Variants in CHRNA5 observed in about 807,000 individuals in gnomAD.
The protein encoded by CHRNA5 is cholinergic receptor nicotinic alpha 5 subunit.
CHRNA5 carries 28 observed loss-of-function variants against 41.2 expected under a neutral mutation model. The ratio of observed to expected loss-of-function variants is 0.68; its 90% CI spans 0.50 to 0.93. CHRNA5 has a LOEUF of 0.93. Among genes scored for constraint, CHRNA5 ranks in the 40% least tolerant of loss-of-function variants. CHRNA5 has a pLI of 0.00. For synonymous variants in CHRNA5, 188 were observed against 205.8 expected (o/e 0.91, Z 0.74); for missense variants, 481 against 581.9 (o/e 0.83, Z 1.78).
exon 6 of CHRNA5, chr15:78,593,566 T>C (rs1213595045): frequency 1.1e-5 from 2 of 181,334 alleles, no homozygotes; most frequent in African/African-American, 4.7e-5. Flanking sequence ...ATCCTTTGAC[T>C]GTGCTGGAGA....
intron 3 of CHRNA5, among the ~76,000 whole-genome samples, chr15:78,587,306 A>G (rs1457801525): frequency 6.6e-6 from 1 of 152,176 alleles, no homozygotes; most frequent in Non-Finnish European, 1.5e-5. Context: ...GGAAAAGAAG[A>G]TAGGGAGTAT....
chr15:78,578,070 G>T (rs1435536068), intron 1 of CHRNA5, among the ~76,000 whole-genome samples: 1 of 152,066 alleles, frequency 6.6e-6, no homozygotes, highest in Non-Finnish European at 1.5e-5. Context: ...AAAATTAATG[G>T]CTTTTAAACA....
At chr15:78,585,791 C>CTTTTTTTTTT (rs752254237) in intron 2 of CHRNA5, among the ~76,000 whole-genome samples, 5 of 130,612 alleles carry the variant, frequency 3.8e-5, no homozygotes, top group African/African-American at 5.8e-5. Flanking sequence ...TCTTTTCTTT[C>CTTTTTTTTTT]TTTTTTTTTT....
chr15:78,571,173 T>C (rs2052801522), intron 1 of CHRNA5, among the ~76,000 whole-genome samples: 2 of 152,190 alleles, frequency 1.3e-5, no homozygotes, highest in African/African-American at 4.8e-5. Flanking sequence ...GTAGCAAGGT[T>C]GTAGAAAAGT....
intron 2 of CHRNA5, among the ~76,000 whole-genome samples, chr15:78,583,125 C>T (rs2052928472): frequency 1.3e-5 from 2 of 152,072 alleles, no homozygotes; most frequent in Admixed American, 6.5e-5. Flanking sequence ...AACTTTATTC[C>T]TTGTATCTGT....
intron 1 of CHRNA5, among the ~76,000 whole-genome samples, chr15:78,576,024 A>G (rs1486905785): frequency 6.6e-6 from 1 of 152,184 alleles, no homozygotes; most frequent in Admixed American, 6.5e-5. Context: ...ATAGTTCTTT[A>G]TAGATTTTAG....
intron 1 of CHRNA5, 124 bp downstream of exon 1, chr15:78,565,949 C>T (rs1415065234): frequency 5.0e-6 from 2 of 401,252 alleles, no homozygotes; most frequent in South Asian, 1.3e-4. Flanking sequence ...GTTTTTTTCT[C>T]CTGGGGGCTT....
At chr15:78,566,478 G>T (rs1317148629) in intron 1 of CHRNA5, among the ~76,000 whole-genome samples, 2 of 152,198 alleles carry the variant, frequency 1.3e-5, no homozygotes, top group Non-Finnish European at 2.9e-5. Flanking sequence ...AAATCGCGTA[G>T]TCCTACATGT....
At chr15:78,580,788 AC>A (rs780642757) in intron 1 of CHRNA5, 22 bp from the exon 2 acceptor site, 3 of 1,593,126 alleles carry the variant, frequency 1.9e-6, no homozygotes, top group Non-Finnish European at 2.6e-6. Context: ...GAGTACATTA[AC>A]TTTTAAAAAT....
intron 1 of CHRNA5, among the ~76,000 whole-genome samples, chr15:78,576,798 C>CAAA (rs150275412): frequency 1.0e-5 from 1 of 97,652 alleles, no homozygotes; most frequent in East Asian, 3.0e-4. Flanking sequence ...GACCCAGTCT[C>CAAA]AAAAAAAAAA....
intron 2 of CHRNA5, among the ~76,000 whole-genome samples, chr15:78,583,209 A>G (rs2052929037): frequency 6.6e-6 from 1 of 152,212 alleles, no homozygotes; most frequent in African/African-American, 2.4e-5. Flanking sequence ...AACAGACACG[A>G]TCAAAGCAGT....
intron 1 of CHRNA5, among the ~76,000 whole-genome samples, chr15:78,572,610 A>G (rs913244144): frequency 6.6e-6 from 1 of 152,070 alleles, no homozygotes; most frequent in Non-Finnish European, 1.5e-5. Flanking sequence ...CAGCCTCCCA[A>G]GTAGCTGGGA....
At chr15:78,585,640 AC>A (rs1253732671) in intron 2 of CHRNA5, among the ~76,000 whole-genome samples, 2 of 152,184 alleles carry the variant, frequency 1.3e-5, no homozygotes, top group Non-Finnish European at 2.9e-5. Context: ...TTGGTAAAGG[AC>A]TGGCATAGCA....
intron 1 of CHRNA5, among the ~76,000 whole-genome samples, chr15:78,572,928 G>A (rs775326086): frequency 6.6e-6 from 1 of 152,212 alleles, no homozygotes; most frequent in Non-Finnish European, 1.5e-5. Context: ...GGAGGAGGGA[G>A]AATTCTTACT....
At chr15:78,589,931 C>G (rs1383366253) in exon 5 of CHRNA5, 2 of 1,614,028 alleles carry the variant, frequency 1.2e-6, no homozygotes, top group East Asian at 4.5e-5. Context: ...TCCCATTTGA[C>G]CTTCAGAACT....
At chr15:78,589,825 G>T in exon 5 of CHRNA5, 4 of 1,585,808 alleles carry the variant, frequency 2.5e-6, no homozygotes, top group Non-Finnish European at 3.4e-6. Flanking sequence ...CGTTTTGAAG[G>T]GACCAGTACG....
chr15:78,565,595 C>T (rs1024354288), exon 1 of CHRNA5: 4 of 236,222 alleles, frequency 1.7e-5, no homozygotes, highest in South Asian at 1.7e-4. Context: ...CGGAGCGGCC[C>T]CTCTGCTGCG....
At chr15:78,565,934 G>C (rs72648893) in intron 1 of CHRNA5, 109 bp downstream of exon 1, 1 of 525,232 alleles carries the variant, frequency 1.9e-6, no homozygotes, top group African/African-American at 2.0e-5. Context: ...TGCGAGGGGA[G>C]GTGGGTTTTT....
At chr15:78,565,787 G>C in exon 1 of CHRNA5, 4 of 1,222,140 alleles carry the variant, frequency 3.3e-6, no homozygotes, top group Non-Finnish European at 4.1e-6. Context: ...GTCGCGGGGC[G>C]CTGCGGTCTA....
Sources: allele counts gnomAD v4.1 joint callset (sites outside exome capture counted in the v4.1 genomes callset), GRCh38; gene constraint gnomAD v4.1.1; transcripts MANE v1.5; gene names NCBI Gene and HGNC (gene_info 2026-07-23, HGNC 2026-07-21).